Variants in ZMAT4 observed in about 807,000 individuals in gnomAD.
ZMAT4 encodes the protein zinc finger matrin-type protein 4.
Under a neutral mutation model 28.7 loss-of-function variants are expected in ZMAT4, and 17 were observed. That is an observed-to-expected ratio of 0.59 (90% CI 0.41 to 0.89). ZMAT4 has a LOEUF of 0.89. Among genes scored for constraint, ZMAT4 ranks in the 40% least tolerant of loss-of-function variants. The probability of loss-of-function intolerance (pLI) is 0.00; values close to 1 mark genes in which losing one functional copy is unlikely to be tolerated. For missense variants in ZMAT4, 240 were observed against 283.8 expected (o/e 0.85, Z 1.11); for synonymous variants, 117 against 109.2 (o/e 1.07, Z -0.44).
intron 2 of ZMAT4, among the ~76,000 whole-genome samples, chr8:40,805,141 C>T (rs1290131681): frequency 6.6e-6 from 1 of 152,082 alleles, no homozygotes; most frequent in African/African-American, 2.4e-5. Flanking sequence ...GGGCGAAGGA[C>T]ATGACTCAAA....
chr8:40,871,891 C>T (rs1817870208), intron 1 of ZMAT4, among the ~76,000 whole-genome samples: 1 of 152,156 alleles, frequency 6.6e-6, no homozygotes, highest in Admixed American at 6.5e-5. Context: ...AATGAGTTTC[C>T]ACTCCTAAAT....
intron 6 of ZMAT4, among the ~76,000 whole-genome samples, chr8:40,574,456 A>G (rs916476321): frequency 2.1e-4 from 32 of 152,196 alleles, no homozygotes; most frequent in African/African-American, 7.7e-4. Context: ...AAGGTTTTCA[A>G]CGCCTGTTTC....
intron 1 of ZMAT4, among the ~76,000 whole-genome samples, chr8:40,867,695 T>C (rs1221271527): frequency 3.9e-5 from 6 of 152,294 alleles, no homozygotes; most frequent in East Asian, 1.9e-4. Context: ...TCAATCTCTT[T>C]CACTTCCTTT....
intron 2 of ZMAT4, among the ~76,000 whole-genome samples, chr8:40,784,101 T>G (rs1050022923): frequency 1.3e-5 from 2 of 152,090 alleles, no homozygotes; most frequent in Non-Finnish European, 2.9e-5. Flanking sequence ...ACCAACAATA[T>G]TTTTTAGAGG....
chr8:40,630,379 C>CAT (rs961152498), intron 5 of ZMAT4, among the ~76,000 whole-genome samples: 2 of 152,168 alleles, frequency 1.3e-5, no homozygotes, highest in Non-Finnish European at 2.9e-5. Flanking sequence ...CTCTAGACCT[C>CAT]ATATATATCC....
chr8:40,546,830 C>A (rs1242855869), intron 6 of ZMAT4, among the ~76,000 whole-genome samples: 1 of 152,136 alleles, frequency 6.6e-6, no homozygotes, highest in African/African-American at 2.4e-5. Flanking sequence ...GTACATAAAG[C>A]TGCGATGGAT....
intron 3 of ZMAT4, among the ~76,000 whole-genome samples, chr8:40,751,889 AC>A (rs541304208): frequency 4.1e-4 from 62 of 151,934 alleles, no homozygotes; most frequent in African/African-American, 1.4e-3. Context: ...ATGAACATCA[AC>A]CCCCCCTGTG....
At chr8:40,552,720 TACACA>T (rs1222522283) in intron 6 of ZMAT4, among the ~76,000 whole-genome samples, 1 of 152,176 alleles carries the variant, frequency 6.6e-6, no homozygotes, top group African/African-American at 2.4e-5. Flanking sequence ...CACAGGCAAC[TACACA>T]CTCTGCAGAT....
At chr8:40,790,666 C>G (rs1259355630) in intron 2 of ZMAT4, among the ~76,000 whole-genome samples, 1 of 152,036 alleles carries the variant, frequency 6.6e-6, no homozygotes, top group African/African-American at 2.4e-5. Context: ...TATATTAATA[C>G]TATGGATTAA....
chr8:40,888,908 GT>G (rs1818566855), intron 1 of ZMAT4, among the ~76,000 whole-genome samples: 1 of 152,174 alleles, frequency 6.6e-6, no homozygotes, highest in Non-Finnish European at 1.5e-5. Context: ...GGAAGGAAGG[GT>G]GGCTTCACAC....
chr8:40,618,377 T>C (rs987062133), intron 5 of ZMAT4, among the ~76,000 whole-genome samples: 1 of 152,116 alleles, frequency 6.6e-6, no homozygotes, highest in Non-Finnish European at 1.5e-5. Flanking sequence ...AACAATTCTG[T>C]CAGAGGGGCT....
At chr8:40,756,426 T>TATATATATATA (rs1812683324) in intron 3 of ZMAT4, among the ~76,000 whole-genome samples, 2 of 73,276 alleles carry the variant, frequency 2.7e-5, no homozygotes, top group Non-Finnish European at 2.4e-5. Flanking sequence ...AAATGTTCTT[T>TATATATATATA]TATATATATA....
At chr8:40,855,710 C>G (rs1441458539) in intron 1 of ZMAT4, among the ~76,000 whole-genome samples, 1 of 149,018 alleles carries the variant, frequency 6.7e-6, no homozygotes, top group Non-Finnish European at 1.5e-5. Flanking sequence ...CAGGGTTGCT[C>G]TGTTACCCAG....
At chr8:40,698,791 C>A (rs775022051) in intron 3 of ZMAT4, among the ~76,000 whole-genome samples, 10 of 151,820 alleles carry the variant, frequency 6.6e-5, no homozygotes, top group Non-Finnish European at 1.5e-4. Context: ...TGTGTGTGTC[C>A]CAGGAGCAGG....
intron 1 of ZMAT4, among the ~76,000 whole-genome samples, chr8:40,862,293 C>T: frequency 6.6e-6 from 1 of 150,682 alleles, no homozygotes; most frequent in Non-Finnish European, 1.5e-5. Flanking sequence ...AGCTGGAAAC[C>T]ATCATTCTCA....
chr8:40,804,397 T>TA (rs1402764040), intron 2 of ZMAT4, among the ~76,000 whole-genome samples: 3 of 151,992 alleles, frequency 2.0e-5, no homozygotes, highest in African/African-American at 4.8e-5. Flanking sequence ...AAAACTGTCC[T>TA]AAAAAAAAGG....
At chr8:40,562,172 C>A (rs1019771099) in intron 6 of ZMAT4, among the ~76,000 whole-genome samples, 22 of 152,312 alleles carry the variant, frequency 1.4e-4, no homozygotes, top group African/African-American at 4.6e-4. Context: ...TTCCAAGAAC[C>A]TGTAGGACAT....
At chr8:40,800,139 A>G (rs747402794) in intron 2 of ZMAT4, among the ~76,000 whole-genome samples, 30 of 152,236 alleles carry the variant, frequency 2.0e-4, no homozygotes, top group Non-Finnish European at 4.0e-4. Flanking sequence ...AAAAGTTATC[A>G]AGGATAAAAA....
chr8:40,812,708 A>C (rs912947837), intron 2 of ZMAT4, among the ~76,000 whole-genome samples: 3 of 152,154 alleles, frequency 2.0e-5, no homozygotes, highest in African/African-American at 7.2e-5. Flanking sequence ...AGGCGGGCGG[A>C]TCACCTGAGG....
Sources: gnomAD v4.1 joint callset for allele counts (sites outside exome capture counted in the v4.1 genomes callset) on GRCh38, gnomAD v4.1.1 for gene constraint, MANE v1.5 for transcripts, NCBI Gene and HGNC (gene_info 2026-07-23, HGNC 2026-07-21) for gene names.